Variants in SPOCK1 observed in about 807,000 individuals in gnomAD.
SPOCK1 encodes testican-1.
Under a neutral mutation model 55.3 loss-of-function variants are expected in SPOCK1, and 23 were observed. The observed-to-expected ratio is 0.42, with a 90% CI of 0.30 to 0.59. The LOEUF (loss-of-function observed/expected upper bound fraction) is 0.59, where lower values mean the gene tolerates loss of function less well. Among genes scored for constraint, SPOCK1 ranks in the 20% least tolerant of loss-of-function variants. SPOCK1 has a pLI of 0.22. For missense variants in SPOCK1, 499 were observed against 552.5 expected, an observed-to-expected ratio of 0.90 and a Z score of 0.97; for synonymous variants, 226 against 221.0, an observed-to-expected ratio of 1.02 and a Z score of -0.20.
intron 6 of SPOCK1, among the ~76,000 whole-genome samples, chr5:137,038,023 G>T (rs1053531488): frequency 6.6e-6 from 1 of 152,192 alleles, no homozygotes. Context: ...CTGCAAGAGG[G>T]GTTGAGATGT....
At chr5:137,300,334 C>T (rs1310279134) in intron 2 of SPOCK1, among the ~76,000 whole-genome samples, 2 of 152,142 alleles carry the variant, frequency 1.3e-5, no homozygotes, top group Non-Finnish European at 2.9e-5. Flanking sequence ...GTACTTGTCT[C>T]CTAATTCTCA....
intron 2 of SPOCK1, among the ~76,000 whole-genome samples, chr5:137,363,728 G>C (rs1419956460): frequency 6.6e-6 from 1 of 152,194 alleles, no homozygotes; most frequent in Non-Finnish European, 1.5e-5. Context: ...GGGATAAATA[G>C]AAATGGAGAC....
chr5:137,014,804 G>A (rs542307787), intron 6 of SPOCK1, among the ~76,000 whole-genome samples: 1 of 152,224 alleles, frequency 6.6e-6, no homozygotes, highest in South Asian at 2.1e-4. Flanking sequence ...AGTTTGTTTT[G>A]CTTTTTTAAT....
At chr5:137,358,085 T>C (rs1320175437) in intron 2 of SPOCK1, among the ~76,000 whole-genome samples, 1 of 152,110 alleles carries the variant, frequency 6.6e-6, no homozygotes, top group Non-Finnish European at 1.5e-5. Flanking sequence ...AAGGTTTTTC[T>C]ATGCAGAAGT....
chr5:137,001,007 A>C (rs1751138071), intron 6 of SPOCK1, among the ~76,000 whole-genome samples: 1 of 152,200 alleles, frequency 6.6e-6, no homozygotes, highest in East Asian at 1.9e-4. Flanking sequence ...CGTCTCAAAA[A>C]ATAAATAAAT....
chr5:137,147,324 C>T (rs989908713), intron 3 of SPOCK1, among the ~76,000 whole-genome samples: 1 of 152,192 alleles, frequency 6.6e-6, no homozygotes, highest in Non-Finnish European at 1.5e-5. Context: ...AAATGTTCAT[C>T]TTAATAATCT....
intron 4 of SPOCK1, among the ~76,000 whole-genome samples, chr5:137,115,374 C>T (rs1753558819): frequency 6.6e-6 from 1 of 151,980 alleles, no homozygotes; most frequent in Admixed American, 6.6e-5. Flanking sequence ...GGCAAAGTTA[C>T]ATCATCTAAA....
chr5:137,266,508 T>C (rs1174046041), intron 3 of SPOCK1, among the ~76,000 whole-genome samples: 2 of 152,186 alleles, frequency 1.3e-5, no homozygotes, highest in African/African-American at 4.8e-5. Flanking sequence ...TAAACCCAAG[T>C]AGTCATCGAG....
At chr5:137,039,910 G>A (rs1408285636) in intron 6 of SPOCK1, among the ~76,000 whole-genome samples, 1 of 152,222 alleles carries the variant, frequency 6.6e-6, no homozygotes, top group Non-Finnish European at 1.5e-5. Flanking sequence ...GTTAGGTTAT[G>A]ACCAAATATC....
intron 2 of SPOCK1, among the ~76,000 whole-genome samples, chr5:137,356,838 T>TATATATATATATAGAGAG (rs1554077335): frequency 1.8e-4 from 1 of 5,458 alleles, no homozygotes; most frequent in Admixed American, 2.8e-3. Context: ...TATATATATA[T>TATATATATATATAGAGAG]AGAGAGAGAG....
At chr5:137,293,493 T>C (rs1481624872) in intron 2 of SPOCK1, among the ~76,000 whole-genome samples, 1 of 38,010 alleles carries the variant, frequency 2.6e-5, no homozygotes, top group Non-Finnish European at 4.8e-5. Context: ...ACAGAGGAAG[T>C]GAAAAAAAAG....
At chr5:137,190,076 GT>G (rs1755150773) in intron 3 of SPOCK1, among the ~76,000 whole-genome samples, 2 of 151,224 alleles carry the variant, frequency 1.3e-5, no homozygotes, top group South Asian at 2.1e-4. Flanking sequence ...AAAGAAAGTG[GT>G]TTATTGAGAT....
At chr5:137,326,817 T>A (rs1172274813) in intron 2 of SPOCK1, among the ~76,000 whole-genome samples, 2 of 152,220 alleles carry the variant, frequency 1.3e-5, no homozygotes, top group East Asian at 3.8e-4. Context: ...ATCTGGAGAT[T>A]ACCTGAATTT....
chr5:137,190,716 G>A (rs769562089), intron 3 of SPOCK1, among the ~76,000 whole-genome samples: 6 of 152,060 alleles, frequency 3.9e-5, no homozygotes, highest in African/African-American at 7.2e-5. Context: ...TTCCCACCCT[G>A]TCTACCAGCC....
At chr5:137,297,781 G>T (rs544344224) in intron 2 of SPOCK1, among the ~76,000 whole-genome samples, 1 of 152,196 alleles carries the variant, frequency 6.6e-6, no homozygotes, top group Admixed American at 6.5e-5. Context: ...GGAGGTCAGT[G>T]AATGTCTTCA....
At chr5:137,229,068 A>G (rs1010419235) in intron 3 of SPOCK1, among the ~76,000 whole-genome samples, 2 of 152,152 alleles carry the variant, frequency 1.3e-5, no homozygotes, top group Non-Finnish European at 1.5e-5. Context: ...TTGTGGTCAG[A>G]CTGCAGCTGC....
At chr5:137,103,036 G>C (rs1382424168) in intron 5 of SPOCK1, among the ~76,000 whole-genome samples, 1 of 152,040 alleles carries the variant, frequency 6.6e-6, no homozygotes, top group Non-Finnish European at 1.5e-5. Context: ...TGTTGCCCAG[G>C]CTAGAGTGCA....
chr5:137,154,197 G>A (rs1030269533), intron 3 of SPOCK1, among the ~76,000 whole-genome samples: 2 of 152,160 alleles, frequency 1.3e-5, no homozygotes, highest in African/African-American at 2.4e-5. Context: ...TGAGGCAGGA[G>A]AATCACTTGA....
At chr5:137,367,794 T>A (rs1209675905) in intron 2 of SPOCK1, among the ~76,000 whole-genome samples, 1 of 152,238 alleles carries the variant, frequency 6.6e-6, no homozygotes, top group Non-Finnish European at 1.5e-5. Flanking sequence ...TACCTGCTGA[T>A]AACTGGGCCA....
Sources: allele counts gnomAD v4.1 joint callset (sites outside exome capture counted in the v4.1 genomes callset), GRCh38; gene constraint gnomAD v4.1.1; transcripts MANE v1.5; gene names NCBI Gene and HGNC (gene_info 2026-07-23, HGNC 2026-07-21).